The following STK3 variants were observed in gnomAD, a reference collection of about 807,000 sequenced individuals.
The protein encoded by STK3 is serine/threonine kinase 3.
A neutral mutation model predicts 58.0 loss-of-function variants in STK3; 41 were observed. The observed-to-expected ratio is 0.71, with a 90% CI of 0.55 to 0.92. STK3 has a LOEUF of 0.92. Ranked by LOEUF, STK3 falls within the 40% of genes least tolerant of loss-of-function variation. The probability of loss-of-function intolerance (pLI) is 0.00; values close to 1 mark genes in which losing one functional copy is unlikely to be tolerated. For missense variants in STK3, 479 were observed against 602.7 expected (o/e 0.79, Z 2.15); for synonymous variants, 170 against 191.0 (o/e 0.89, Z 0.91).
chr8:98,759,314 G>A (rs1830479642), intron 3 of STK3, among the ~76,000 whole-genome samples: 1 of 151,910 alleles, frequency 6.6e-6, no homozygotes, highest in Non-Finnish European at 1.5e-5. Context: ...TCAATATTGT[G>A]TCTCAAGGAA....
chr8:98,408,766 T>C (rs1033666685), intron 3 of STK3, among the ~76,000 whole-genome samples: 7 of 152,220 alleles, frequency 4.6e-5, no homozygotes, highest in African/African-American at 1.7e-4. Context: ...CCGTTCTGCT[T>C]AGACAATAGG....
intron 4 of STK3, among the ~76,000 whole-genome samples, chr8:98,726,899 T>G (rs1827833237): frequency 6.6e-6 from 1 of 152,222 alleles, no homozygotes; most frequent in Admixed American, 6.5e-5. Context: ...ACCAGATGTA[T>G]CTTCCACAGT....
intron 10 of STK3, among the ~76,000 whole-genome samples, chr8:98,477,932 C>T (rs1009326696): frequency 5.3e-5 from 8 of 152,008 alleles, no homozygotes; most frequent in Non-Finnish European, 1.2e-4. Context: ...GTAGCTTTCC[C>T]CAAGTTTGGA....
intron 6 of STK3, among the ~76,000 whole-genome samples, chr8:98,614,529 G>T (rs1191953726): frequency 6.6e-6 from 1 of 152,184 alleles, no homozygotes; most frequent in Non-Finnish European, 1.5e-5. Context: ...GGTGATTTCT[G>T]CATTTCCATC....
chr8:98,912,581 A>G (rs1384036741), intron 1 of STK3, among the ~76,000 whole-genome samples: 5 of 152,140 alleles, frequency 3.3e-5, no homozygotes, highest in Non-Finnish European at 7.4e-5. Context: ...AACACTATGC[A>G]GAGAACAGAC....
chr8:98,650,656 G>A lies in STK3; in HGVS notation c.685-54487C>T, dbSNP rs529866585. Among the ~76,000 whole-genome samples the A allele has an allele frequency of 1.1e-4, 17 of 152,344 alleles. No homozygotes were observed. The East Asian group carries it at 2.1e-3, about 19-fold the overall frequency. On this transcript the variant is annotated intron_variant, in intron 6 of 10. Coordinates refer to ENST00000419617, the MANE Select transcript of STK3 (RefSeq NM_006281.4). ...CACCCTAATACTGTGCTTTTCCGAC[G>A]GGCTTAAAAAACAGCGCACCAGGAG...
intron 6 of STK3, among the ~76,000 whole-genome samples, chr8:98,682,723 TTG>T (rs1436199799): frequency 6.6e-6 from 1 of 152,166 alleles, no homozygotes; most frequent in Non-Finnish European, 1.5e-5. Flanking sequence ...CAGGTATGAC[TTG>T]TCTTTCTTTT....
rs202210230 is a variant in STK3 at position 98,779,905 on chromosome 8, TGA to T, written c.27-5088_27-5087del. ...ATGAATGAATGAATGAATGAATGAA[TGA>T]ATATATATAAACTTATATATAAGTC... On this transcript the variant is annotated intron_variant, in intron 1 of 10. Coordinates refer to ENST00000419617, the MANE Select transcript of STK3 (RefSeq NM_006281.4). Among the ~76,000 whole-genome samples, 1,268 of 151,740 alleles carry T rather than the reference TGA, an allele frequency of 8.4e-3. 10 individuals carry two copies. The highest frequency in any genetic ancestry group is 0.029 in the African/African-American group (1,196 of 41,238).
intron 3 of STK3, among the ~76,000 whole-genome samples, chr8:98,858,313 T>G (rs1374500731): frequency 0.011 from 704 of 64,600 alleles, 3 homozygotes; most frequent in Non-Finnish European, 0.015. Context: ...TATATATATA[T>G]ATATATATAT....
intron 7 of STK3, among the ~76,000 whole-genome samples, chr8:98,590,646 AC>A (rs778861566): frequency 4.6e-5 from 7 of 152,186 alleles, no homozygotes; most frequent in Non-Finnish European, 7.3e-5. Flanking sequence ...GTGTGAAGAG[AC>A]CACTAAACAG....
chr8:98,806,559 G>C (rs1409003791), intron 1 of STK3, among the ~76,000 whole-genome samples: 3 of 152,112 alleles, frequency 2.0e-5, no homozygotes, highest in Non-Finnish European at 4.4e-5. Flanking sequence ...TGGAGCTCAA[G>C]TCATTATTCC....
At chr8:98,413,661 T>A in intron 3 of STK3, 1 of 876,580 alleles carries the variant, frequency 1.1e-6, no homozygotes, top group East Asian at 2.6e-5. Flanking sequence ...AGAAAAGCAG[T>A]TGAGGAACTC....
chr8:98,396,237 T>G (rs80129434), intron 3 of STK3, among the ~76,000 whole-genome samples: 6,758 of 152,338 alleles, frequency 0.044, 219 homozygotes, highest in Middle Eastern at 0.12. Context: ...TTAAGTTTAT[T>G]TGCTCAGGAC....
intron 8 of STK3, among the ~76,000 whole-genome samples, chr8:98,554,598 G>C (rs545408020): frequency 3.2e-4 from 48 of 152,172 alleles, no homozygotes; most frequent in Non-Finnish European, 5.9e-4. Flanking sequence ...ATTTGCTAAA[G>C]AATGCTAATC....
chr8:98,878,940 C>A (rs1837687726), downstream of STK3: 1 of 146,394 alleles, frequency 6.8e-6, no homozygotes, highest in South Asian at 2.2e-4. Flanking sequence ...GCTCTTTCGC[C>A]CAGGCTGGAG....
intron 10 of STK3, among the ~76,000 whole-genome samples, chr8:98,481,300 G>A (rs965605104): frequency 6.6e-6 from 1 of 152,020 alleles, no homozygotes; most frequent in African/African-American, 2.4e-5. Context: ...ATCTGCACTT[G>A]TATGTTTACT....
intron 6 of STK3, among the ~76,000 whole-genome samples, chr8:98,697,453 G>C (rs1022171771): frequency 6.6e-6 from 1 of 152,134 alleles, no homozygotes; most frequent in Non-Finnish European, 1.5e-5. Flanking sequence ...TGATGTTAGG[G>C]TGTCAATTTT....
intron 6 of STK3, among the ~76,000 whole-genome samples, chr8:98,704,440 G>A (rs1452554129): frequency 6.6e-6 from 1 of 152,026 alleles, no homozygotes; most frequent in African/African-American, 2.4e-5. Context: ...ACTGGACTGT[G>A]AAGAAATTGC....
intron 3 of STK3, among the ~76,000 whole-genome samples, chr8:98,421,993 GC>G (rs1311087162): frequency 6.6e-6 from 1 of 152,038 alleles, no homozygotes; most frequent in African/African-American, 2.4e-5. Flanking sequence ...GAGGATCTGG[GC>G]CCCTTTTCAT....
Sources: allele counts gnomAD v4.1 joint callset (sites outside exome capture counted in the v4.1 genomes callset), GRCh38; gene constraint gnomAD v4.1.1; transcripts MANE v1.5; gene names NCBI Gene and HGNC (gene_info 2026-07-23, HGNC 2026-07-21).